Variants in SCFD2 observed in about 807,000 individuals in gnomAD.
SCFD2 encodes sec1 family domain-containing protein 2.
Under a neutral mutation model 58.9 loss-of-function variants are expected in SCFD2, and 54 were observed. The observed-to-expected ratio is 0.92, with a 90% confidence interval of 0.74 to 1.15. The LOEUF is 1.15. Ranked by LOEUF, SCFD2 falls within the 50% of genes most tolerant of loss-of-function variation. The pLI is 0.00. For synonymous variants in SCFD2, 321 were observed against 335.9 expected (o/e 0.96, Z 0.49); for missense variants, 805 against 836.6 (o/e 0.96, Z 0.47).
At chr4:53,308,131 T>G (rs2149106393) in intron 3 of SCFD2, among the ~76,000 whole-genome samples, 1 of 152,320 alleles carries the variant, frequency 6.6e-6, no homozygotes, top group Non-Finnish European at 1.5e-5. Context: ...TCAGTTTTCC[T>G]TGCCTGTGAA....
At chr4:52,886,371 G>T (rs1718741581) in intron 7 of SCFD2, among the ~76,000 whole-genome samples, 1 of 152,164 alleles carries the variant, frequency 6.6e-6, no homozygotes, top group Non-Finnish European at 1.5e-5. Flanking sequence ...CTGTTCTGTT[G>T]TTCAATAAAA....
Position 53,210,303 on chromosome 4 carries a change from G to A in SCFD2, c.1311+63523C>T, listed in dbSNP as rs533538502. ...AGGGCTTAACACAGGAGTGTGGCTG[G>A]AAAGATTTGTGTAGGCCAATAGTTC... is the stretch of plus-strand genomic sequence containing the variant. On this transcript the variant is annotated intron_variant, in intron 4 of 8. Coordinates refer to ENST00000401642, the MANE Select transcript of SCFD2 (RefSeq NM_152540.4). 1.4e-4 allele frequency among the ~76,000 whole-genome samples: 21 copies of A among 152,208 alleles called. 1 individual carries two copies. Among genetic ancestry groups the A allele is most frequent in the African/African-American group, 4.3e-4 (18 of 41,480 alleles).
intron 4 of SCFD2, among the ~76,000 whole-genome samples, chr4:53,191,803 A>G (rs1727922150): frequency 6.6e-6 from 1 of 152,218 alleles, no homozygotes; most frequent in African/African-American, 2.4e-5. Context: ...TTGGAAAAAC[A>G]GAAAGCACCA....
chr4:53,277,931 T>C (rs947018794), intron 3 of SCFD2, among the ~76,000 whole-genome samples: 1 of 152,042 alleles, frequency 6.6e-6, no homozygotes, highest in Admixed American at 6.5e-5. Flanking sequence ...TGGGCGCCTG[T>C]AGTCCCAGCT....
At chr4:52,948,134 C>A (rs1720488613) in intron 5 of SCFD2, 1 of 163,620 alleles carries the variant, frequency 6.1e-6, no homozygotes, top group Admixed American at 6.2e-5. Context: ...GAGGCTGGAA[C>A]CCTGAGGTGG....
Position 52,873,957 on chromosome 4 carries a change from C to G in SCFD2, c.*12G>C. ...TTCCAGCTTGAGTAGGTCTTATCTT[C>G]TTAGCGGATGCTCAGAAGCCAAGGT... On this transcript the variant is annotated 3_prime_UTR_variant, in exon 9 of 9. Coordinates refer to ENST00000401642, the MANE Select transcript of SCFD2 (RefSeq NM_152540.4). 1 of 1,606,186 alleles carries G rather than the reference C, an allele frequency of 6.2e-7. No homozygotes were observed. The highest frequency in any genetic ancestry group is 1.1e-5 in the South Asian group (1 of 90,896).
At chr4:53,032,767 G>A (rs1722646158) in intron 5 of SCFD2, among the ~76,000 whole-genome samples, 1 of 152,066 alleles carries the variant, frequency 6.6e-6, no homozygotes, top group African/African-American at 2.4e-5. Context: ...CAAGAAGAGT[G>A]AACTATCCTT....
At chr4:53,067,508 G>A (rs1333725495) in intron 5 of SCFD2, among the ~76,000 whole-genome samples, 1 of 152,000 alleles carries the variant, frequency 6.6e-6, no homozygotes, top group Admixed American at 6.6e-5. Flanking sequence ...TGTGTCAAGG[G>A]TGGGACTAGG....
At chr4:53,231,289 T>C (rs527259357) in intron 4 of SCFD2, among the ~76,000 whole-genome samples, 1 of 152,176 alleles carries the variant, frequency 6.6e-6, no homozygotes, top group African/African-American at 2.4e-5. Context: ...ACTCACTAGA[T>C]AATGCAAGCC....
intron 6 of SCFD2, among the ~76,000 whole-genome samples, chr4:52,913,458 G>A (rs1243757375): frequency 6.6e-6 from 1 of 152,154 alleles, no homozygotes; most frequent in Non-Finnish European, 1.5e-5. Context: ...TCTAATGTCT[G>A]ATGGCCTGTC....
At chr4:53,103,780 A>AAG in intron 5 of SCFD2, among the ~76,000 whole-genome samples, 1 of 145,822 alleles carries the variant, frequency 6.9e-6, no homozygotes, top group East Asian at 2.0e-4. Context: ...AAAAAAAAAA[A>AAG]AAAAAAAAAA....
At chr4:53,332,671 C>T (rs559330356) in intron 2 of SCFD2, among the ~76,000 whole-genome samples, 2 of 152,102 alleles carry the variant, frequency 1.3e-5, no homozygotes, top group African/African-American at 4.8e-5. Context: ...GGAAGCATTC[C>T]TTTTGAAAAC....
chr4:53,051,936 G>A (rs1460740430), intron 5 of SCFD2, among the ~76,000 whole-genome samples: 3 of 152,158 alleles, frequency 2.0e-5, no homozygotes, highest in African/African-American at 4.8e-5. Context: ...AAAGAATAAT[G>A]ACTGGTCCCT....
intron 4 of SCFD2, among the ~76,000 whole-genome samples, chr4:53,178,473 G>A (rs1318996351): frequency 6.6e-6 from 1 of 152,060 alleles, no homozygotes. Flanking sequence ...AAACAGAAAG[G>A]ACATCCACAC....
At chr4:53,096,555 T>C (rs1459906281) in intron 5 of SCFD2, among the ~76,000 whole-genome samples, 1 of 152,224 alleles carries the variant, frequency 6.6e-6, no homozygotes, top group Non-Finnish European at 1.5e-5. Flanking sequence ...GCCCACTTTT[T>C]GATGGGGTTG....
rs150062901 is a variant in SCFD2, at chr4:53,061,946, T to C, written c.1561+83387A>G. ...ACGATTAGACAGAGGGTGAGAGAGC[T>C]AGCTGGCCTGATGTTATCACATCCA... is the stretch of plus-strand genomic sequence containing the variant. On this transcript the variant is annotated intron_variant, in intron 5 of 8. Coordinates refer to ENST00000401642, the MANE Select transcript of SCFD2 (RefSeq NM_152540.4). 3.1e-3 allele frequency among the ~76,000 whole-genome samples: 470 copies of C among 152,210 alleles called. 1 individual carries two copies. The highest frequency in any genetic ancestry group is 0.01 in the African/African-American group (432 of 41,556).
chr4:53,273,091 C>T (rs1406894788), intron 4 of SCFD2, among the ~76,000 whole-genome samples: 1 of 151,964 alleles, frequency 6.6e-6, no homozygotes, highest in Admixed American at 6.6e-5. Flanking sequence ...TCAACTTTAT[C>T]TCTAGTTTTA....
chr4:53,058,276 G>T (rs1317086030), intron 5 of SCFD2, among the ~76,000 whole-genome samples: 1 of 151,414 alleles, frequency 6.6e-6, no homozygotes, highest in Non-Finnish European at 1.5e-5. Context: ...ATGAGTTGGG[G>T]AATTAATGTT....
intron 6 of SCFD2, among the ~76,000 whole-genome samples, chr4:52,911,099 A>G (rs1429197659): frequency 1.3e-5 from 2 of 152,230 alleles, no homozygotes; most frequent in African/African-American, 4.8e-5. Flanking sequence ...CTGTACAAAA[A>G]GGAAGAGTAG....
Sources: allele counts gnomAD v4.1 joint callset (sites outside exome capture counted in the v4.1 genomes callset), GRCh38; gene constraint gnomAD v4.1.1; transcripts MANE v1.5; gene names NCBI Gene and HGNC (gene_info 2026-07-23, HGNC 2026-07-21).